TRDN: variants seen among roughly 807,000 people sequenced by gnomAD.
TRDN encodes the protein triadin in skeletal muscle.
TRDN carries 161 observed loss-of-function variants against 149.7 expected under a neutral mutation model. That is an observed-to-expected ratio of 1.08 (90% CI 0.95 to 1.23). TRDN has a LOEUF of 1.23. TRDN is among the 50% of genes most tolerant of loss of function. The pLI is 0.00. For synonymous variants in TRDN, 294 were observed against 250.5 expected (o/e 1.17, Z -1.64); for missense variants, 896 against 823.5 (o/e 1.09, Z -1.08).
intron 23 of TRDN, among the ~76,000 whole-genome samples, chr6:123,317,896 T>C (rs751483648): frequency 1.9e-4 from 29 of 151,984 alleles, no homozygotes; most frequent in Non-Finnish European, 3.7e-4. Context: ...TTGATTCATC[T>C]TATGACTCTG....
At chr6:123,308,959 T>C (rs1778714309) in intron 24 of TRDN, among the ~76,000 whole-genome samples, 1 of 152,030 alleles carries the variant, frequency 6.6e-6, no homozygotes, top group Non-Finnish European at 1.5e-5. Context: ...TCTAAATAAT[T>C]TTGAAAGTAA....
chr6:123,590,901 A>G (rs927504136), intron 1 of TRDN, among the ~76,000 whole-genome samples: 1 of 152,200 alleles, frequency 6.6e-6, no homozygotes, highest in African/African-American at 2.4e-5. Context: ...TCTGGTGCCA[A>G]AAAGAATGGA....
At chr6:123,557,960 G>A (rs1277239601) in intron 2 of TRDN, among the ~76,000 whole-genome samples, 2 of 151,938 alleles carry the variant, frequency 1.3e-5, no homozygotes, top group East Asian at 3.9e-4. Context: ...AAATCTAAAT[G>A]CCTTATTTTC....
At chr6:123,226,186 C>T (rs778290788) in intron 38 of TRDN, among the ~76,000 whole-genome samples, 1 of 151,548 alleles carries the variant, frequency 6.6e-6, no homozygotes, top group Non-Finnish European at 1.5e-5. Flanking sequence ...GATAAAATGA[C>T]CATGGTCTTG....
At chr6:123,509,536 G>A (rs1779075101) in intron 7 of TRDN, 1 of 152,132 alleles carries the variant, frequency 6.6e-6, no homozygotes, top group South Asian at 2.1e-4. Flanking sequence ...GAACTGATTG[G>A]CTAGTAGTCC....
chr6:123,464,360 A>G, intron 10 of TRDN: 3 of 975,300 alleles, frequency 3.1e-6, no homozygotes, highest in Non-Finnish European at 3.7e-6. Context: ...AACTATACAT[A>G]TACATAAAAC....
intron 24 of TRDN, among the ~76,000 whole-genome samples, chr6:123,280,051 C>T (rs1303997785): frequency 2.0e-5 from 3 of 152,256 alleles, no homozygotes; most frequent in Middle Eastern, 3.4e-3. Flanking sequence ...CCTGTGATTG[C>T]TTCCGCTTAG....
chr6:123,377,877 T>TG lies in TRDN; in HGVS notation c.1207dup (p.His403ProfsTer17), dbSNP rs1562284950. ...TTAAAAACAGTTACCTGGTTCCACATGTTTTTCTTTCTTTTCCTGTTCTGA... is the reference window on the plus strand; with the variant it reads ...TTAAAAACAGTTACCTGGTTCCACATGGTTTTTCTTTCTTTTCCTGTTCTGA... On this transcript the variant is annotated frameshift_variant, in exon 17 of 41. Transcript: ENST00000334268. LOFTEE classifies it high-confidence loss of function. 1 of 1,539,500 alleles carries TG rather than the reference T, an allele frequency of 6.5e-7. No individual in the cohort carries two copies. The highest frequency in any genetic ancestry group is 1.2e-5 in the South Asian group (1 of 84,946).
chr6:123,285,951 A>T (rs1018346241), intron 24 of TRDN, among the ~76,000 whole-genome samples: 2 of 152,184 alleles, frequency 1.3e-5, no homozygotes, highest in African/African-American at 2.4e-5. Flanking sequence ...AATCAGGGAA[A>T]CACAAATCAA....
chr6:123,563,614 T>G (rs1325730840), intron 2 of TRDN, among the ~76,000 whole-genome samples: 1 of 152,216 alleles, frequency 6.6e-6, no homozygotes, highest in African/African-American at 2.4e-5. Context: ...GAAATAATTT[T>G]CTGGTGGCAT....
intron 12 of TRDN, among the ~76,000 whole-genome samples, chr6:123,416,759 C>T (rs1489242467): frequency 2.0e-5 from 3 of 150,504 alleles, no homozygotes; most frequent in Non-Finnish European, 2.9e-5. Flanking sequence ...TGGAGTGCAG[C>T]GGCATAATCT....
chr6:123,328,358 G>T (rs1359407463), intron 23 of TRDN, among the ~76,000 whole-genome samples: 2 of 152,152 alleles, frequency 1.3e-5, no homozygotes, highest in Non-Finnish European at 2.9e-5. Context: ...CGCCCCAAAT[G>T]ACCACACACC....
At chr6:123,546,603 C>A (rs1329701365) in intron 4 of TRDN, among the ~76,000 whole-genome samples, 1 of 152,058 alleles carries the variant, frequency 6.6e-6, no homozygotes, top group Admixed American at 6.6e-5. Context: ...AACAAATGTA[C>A]CTCAAGATGG....
rs534712677 is a variant in TRDN, at chr6:123,516,459, C to T, written c.485-253G>A. On this transcript the variant is annotated intron_variant, in intron 5 of 40. Transcript: ENST00000334268. ...CTGATTGCAAAGATAAGAATACCCC[C>T]GTCAGCTTTTCCAAATCTTTAATTG... Among the ~76,000 whole-genome samples, 9 of 152,144 alleles carry T rather than the reference C, an allele frequency of 5.9e-5. No homozygotes were observed. In the South Asian group the frequency reaches 1.2e-3, roughly 21 times the overall value.
At chr6:123,304,414 G>A (rs1582844913) in intron 24 of TRDN, among the ~76,000 whole-genome samples, 1 of 151,632 alleles carries the variant, frequency 6.6e-6, no homozygotes, top group African/African-American at 2.4e-5. Flanking sequence ...CATCATGCCC[G>A]GCTAATTTTT....
At chr6:123,482,950 ATAAC>A (rs1239923453) in intron 9 of TRDN, among the ~76,000 whole-genome samples, 1 of 151,986 alleles carries the variant, frequency 6.6e-6, no homozygotes, top group African/African-American at 2.4e-5. Context: ...TCACGTGTGA[ATAAC>A]TAAGGACAGA....
chr6:123,292,688 T>C (rs1041528134), intron 24 of TRDN, among the ~76,000 whole-genome samples: 1 of 152,104 alleles, frequency 6.6e-6, no homozygotes, highest in African/African-American at 2.4e-5. Flanking sequence ...CTGTTAAACT[T>C]CAGGGAATAC....
chr6:123,284,395 G>A (rs1225953918), intron 24 of TRDN, among the ~76,000 whole-genome samples: 9 of 151,544 alleles, frequency 5.9e-5, no homozygotes, highest in African/African-American at 1.9e-4. Flanking sequence ...ACCACATAAA[G>A]AGAATTAAAA....
At chr6:123,628,574 A>G (rs1785798792) in intron 1 of TRDN, among the ~76,000 whole-genome samples, 1 of 152,202 alleles carries the variant, frequency 6.6e-6, no homozygotes, top group African/African-American at 2.4e-5. Flanking sequence ...TGTTGGAAAA[A>G]TGGTGGTGAT....
Sources: allele counts gnomAD v4.1 joint callset (sites outside exome capture counted in the v4.1 genomes callset), GRCh38; gene constraint gnomAD v4.1.1; transcripts MANE v1.5; gene names NCBI Gene and HGNC (gene_info 2026-07-23, HGNC 2026-07-21).